TMEM108: variants seen among roughly 807,000 people sequenced by gnomAD.
The protein encoded by TMEM108 is transmembrane protein 108.
In TMEM108, 12 loss-of-function variants were observed where a neutral mutation model predicts 35.1. That is an observed-to-expected ratio of 0.34 (90% confidence interval 0.22 to 0.55). The LOEUF (loss-of-function observed/expected upper bound fraction) is 0.55, where lower values mean the gene tolerates loss of function less well. Among genes scored for constraint, TMEM108 ranks in the 20% least tolerant of loss-of-function variants. TMEM108 has a pLI of 0.89. For synonymous variants in TMEM108, 287 were observed against 308.6 expected (o/e 0.93, Z 0.73); for missense variants, 680 against 753.3 (o/e 0.90, Z 1.14).
At chr3:133,097,600 A>G (rs1393003547) in intron 2 of TMEM108, among the ~76,000 whole-genome samples, 1 of 152,218 alleles carries the variant, frequency 6.6e-6, no homozygotes, top group Non-Finnish European at 1.5e-5. Context: ...TTAGAAAATT[A>G]TCTGTTATTA....
intron 2 of TMEM108, among the ~76,000 whole-genome samples, chr3:133,150,059 T>G (rs1251562344): frequency 1.3e-5 from 2 of 152,176 alleles, no homozygotes; most frequent in African/African-American, 4.8e-5. Context: ...TGAGGGAATA[T>G]CCATACTGTT....
intron 2 of TMEM108, among the ~76,000 whole-genome samples, chr3:133,216,997 A>AAT (rs750248736): frequency 1.4e-4 from 22 of 152,174 alleles, no homozygotes; most frequent in Non-Finnish European, 3.2e-4. Context: ...TTTTTTCAGG[A>AAT]ACCTCGCTAC....
At chr3:133,387,007 T>TGTAA (rs1488182110) in intron 4 of TMEM108, 2 of 985,706 alleles carry the variant, frequency 2.0e-6, no homozygotes, top group African/African-American at 3.5e-5. Flanking sequence ...GTAGAGACCC[T>TGTAA]GTAAGTCTGA....
intron 3 of TMEM108, among the ~76,000 whole-genome samples, chr3:133,277,592 T>A (rs1169975224): frequency 6.6e-6 from 1 of 152,196 alleles, no homozygotes; most frequent in Admixed American, 6.5e-5. Flanking sequence ...TTTGGTGTAG[T>A]GGTAAGAGCC....
chr3:133,316,738 C>G (rs914014357), intron 3 of TMEM108, among the ~76,000 whole-genome samples: 14 of 152,238 alleles, frequency 9.2e-5, no homozygotes, highest in African/African-American at 3.1e-4. Context: ...CTGGCAAGGT[C>G]CCCAGGGACC....
At chr3:133,369,328 G>A (rs1374704980) in intron 3 of TMEM108, among the ~76,000 whole-genome samples, 1 of 152,210 alleles carries the variant, frequency 6.6e-6, no homozygotes, top group Non-Finnish European at 1.5e-5. Context: ...GAGCAGGAAG[G>A]GAGTATGGGC....
At chr3:133,321,054 C>CA (rs2071261143) in intron 3 of TMEM108, among the ~76,000 whole-genome samples, 1 of 151,944 alleles carries the variant, frequency 6.6e-6, no homozygotes, top group Non-Finnish European at 1.5e-5. Context: ...TAAAATACAC[C>CA]AAAATAGAAT....
chr3:133,373,105 G>A lies in TMEM108; in HGVS notation c.41-6647G>A, dbSNP rs112732164. Among the ~76,000 whole-genome samples the A allele has an allele frequency of 2.7e-3, 415 of 152,268 alleles. 3 individuals carry two copies. The highest frequency in any genetic ancestry group is 9.3e-3 in the African/African-American group (387 of 41,538). ...ACACTGGCCAGGCACAGTGGCTCAC[G>A]CCTGTAATCCCAAAATTCTGAGAGG... On this transcript the variant is annotated intron_variant, in intron 3 of 5. Coordinates refer to ENST00000321871, the MANE Select transcript of TMEM108 (RefSeq NM_023943.4).
rs1576432469 is a variant in TMEM108 at position 133,285,175 on chromosome 3, C to G, written c.40+55824C>G. The stretch of plus-strand genomic sequence containing the variant: ...TGTCCAATATGGTGGCTATTGAGCC[C>G]TTGAATTTCATTTGATTTTAATTAA... On this transcript the variant is annotated intron_variant, in intron 3 of 5. Coordinates refer to ENST00000321871, the MANE Select transcript of TMEM108 (RefSeq NM_023943.4). Among the ~76,000 whole-genome samples the G allele has an allele frequency of 2.0e-5, 3 of 152,178 alleles. No homozygotes were observed. In the South Asian group the frequency reaches 6.2e-4, roughly 32 times the overall value.
At chr3:133,382,624 A>G (rs905987205) in intron 4 of TMEM108, among the ~76,000 whole-genome samples, 3 of 152,314 alleles carry the variant, frequency 2.0e-5, no homozygotes, top group Middle Eastern at 3.4e-3. Context: ...TGCTGGTTGT[A>G]TTGGCTTCAG....
rs556977415 is a variant in TMEM108, at chr3:133,154,832, G to A, written c.-46-74434G>A. 3.3e-5 allele frequency among the ~76,000 whole-genome samples: 5 copies of A among 152,162 alleles called. No homozygotes were observed. In the South Asian group the frequency reaches 1.0e-3, roughly 32 times the overall value. On this transcript the variant is annotated intron_variant, in intron 2 of 5. Transcript: ENST00000321871. ...CACATGTAACAAACCTGCACGTTGT[G>A]TACATGTACTGTAAAACTTAAAGTA...
chr3:133,159,441 T>C (rs1944929585), intron 2 of TMEM108, among the ~76,000 whole-genome samples: 2 of 152,350 alleles, frequency 1.3e-5, no homozygotes, highest in Admixed American at 1.3e-4. Context: ...CTCCGTTCAC[T>C]GCAAAGGATC....
intron 2 of TMEM108, among the ~76,000 whole-genome samples, chr3:133,103,523 A>G (rs1944113907): frequency 6.6e-6 from 1 of 152,076 alleles, no homozygotes; most frequent in Non-Finnish European, 1.5e-5. Context: ...TCTGTACAAC[A>G]ACCCCCCATG....
intron 3 of TMEM108, among the ~76,000 whole-genome samples, chr3:133,374,663 G>T (rs2072781889): frequency 6.6e-6 from 1 of 151,842 alleles, no homozygotes; most frequent in Non-Finnish European, 1.5e-5. Context: ...GAAGAGGAGA[G>T]AATTAAATCA....
At chr3:133,389,927 G>A (rs536340087) in intron 4 of TMEM108, among the ~76,000 whole-genome samples, 38 of 152,020 alleles carry the variant, frequency 2.5e-4, no homozygotes, top group South Asian at 4.2e-4. Flanking sequence ...TGATGATGAT[G>A]ATGATGATGA....
At chr3:133,118,720 G>A (rs575581381) in intron 2 of TMEM108, among the ~76,000 whole-genome samples, 2 of 152,240 alleles carry the variant, frequency 1.3e-5, no homozygotes, top group Admixed American at 1.3e-4. Context: ...ACAATGAGGC[G>A]GCGGGCTGAA....
At chr3:133,379,138 TTG>T (rs2072927873) in intron 3 of TMEM108, among the ~76,000 whole-genome samples, 1 of 152,222 alleles carries the variant, frequency 6.6e-6, no homozygotes, top group Non-Finnish European at 1.5e-5. Flanking sequence ...CTGTTCGTTT[TTG>T]TGTCCTCCAG....
At chr3:133,233,503 T>C (rs1427750466) in intron 3 of TMEM108, among the ~76,000 whole-genome samples, 1 of 152,248 alleles carries the variant, frequency 6.6e-6, no homozygotes, top group African/African-American at 2.4e-5. Flanking sequence ...TAAACATACG[T>C]GTGCATGTGT....
At chr3:133,234,509 A>G (rs1011131598) in intron 3 of TMEM108, among the ~76,000 whole-genome samples, 13 of 152,240 alleles carry the variant, frequency 8.5e-5, no homozygotes, top group African/African-American at 2.4e-4. Context: ...CCACATGATT[A>G]TCTCAATAGA....
Sources: gnomAD v4.1 joint callset for allele counts (sites outside exome capture counted in the v4.1 genomes callset) on GRCh38, gnomAD v4.1.1 for gene constraint, MANE v1.5 for transcripts, NCBI Gene and HGNC (gene_info 2026-07-23, HGNC 2026-07-21) for gene names.